TNIP3: variants seen among roughly 807,000 people sequenced by gnomAD.
The protein encoded by TNIP3 is TNFAIP3-interacting protein 3.
TNIP3 carries 34 observed loss-of-function variants against 54.1 expected under a neutral mutation model. That is an observed-to-expected ratio of 0.63 (90% confidence interval 0.48 to 0.84). The LOEUF is 0.84. Among genes scored for constraint, TNIP3 ranks in the 40% least tolerant of loss-of-function variants. The probability of loss-of-function intolerance (pLI) is 0.00; values close to 1 mark genes in which losing one functional copy is unlikely to be tolerated. For missense variants in TNIP3, 366 were observed against 387.6 expected (o/e 0.94, Z 0.47); for synonymous variants, 134 against 136.8 (o/e 0.98, Z 0.14).
chr4:121,140,902 A>G (rs1213668892), intron 9 of TNIP3, among the ~76,000 whole-genome samples: 2 of 152,188 alleles, frequency 1.3e-5, no homozygotes, highest in Non-Finnish European at 2.9e-5. Flanking sequence ...ACATTCCTTC[A>G]GCCACCCAAA....
At chr4:121,149,382 C>T (rs541889536) in intron 6 of TNIP3, among the ~76,000 whole-genome samples, 1 of 152,280 alleles carries the variant, frequency 6.6e-6, no homozygotes, top group East Asian at 1.9e-4. Context: ...TCTTATTGTG[C>T]GAAGGCCTAG....
At chr4:121,171,834 G>A (rs988183004) in intron 3 of TNIP3, among the ~76,000 whole-genome samples, 2 of 152,094 alleles carry the variant, frequency 1.3e-5, no homozygotes, top group East Asian at 3.9e-4. Context: ...GGGTTCAAGC[G>A]ATCCTCCTGC....
upstream of TNIP3, among the ~76,000 whole-genome samples, chr4:121,167,545 T>C (rs939370187): frequency 2.0e-5 from 3 of 152,004 alleles, no homozygotes; most frequent in African/African-American, 7.3e-5. Flanking sequence ...TTACCTAGAG[T>C]AGGGTCCGTG....
At chr4:121,163,439 C>T (rs1730577074) in intron 1 of TNIP3, among the ~76,000 whole-genome samples, 1 of 152,138 alleles carries the variant, frequency 6.6e-6, no homozygotes, top group Admixed American at 6.5e-5. Context: ...AACAGTTATT[C>T]CCTATACATA....
chr4:121,203,428 A>G (rs889233621), intron 2 of TNIP3, among the ~76,000 whole-genome samples: 1 of 152,156 alleles, frequency 6.6e-6, no homozygotes, highest in African/African-American at 2.4e-5. Context: ...TGAGAACTCA[A>G]ATGCATGAGA....
intron 1 of TNIP3, among the ~76,000 whole-genome samples, chr4:121,223,060 C>T (rs1727106677): frequency 6.6e-6 from 1 of 152,328 alleles, no homozygotes; most frequent in African/African-American, 2.4e-5. Flanking sequence ...CCGCCTCGGC[C>T]TCCCAAAGTG....
intron 1 of TNIP3, among the ~76,000 whole-genome samples, chr4:121,161,974 AAT>A (rs1730481709): frequency 6.6e-6 from 1 of 152,232 alleles, no homozygotes; most frequent in Admixed American, 6.5e-5. Context: ...ATAATAATTC[AAT>A]AGTCTTATTA....
chr4:121,144,548 C>T (rs571272428), intron 7 of TNIP3, among the ~76,000 whole-genome samples: 76 of 152,228 alleles, frequency 5.0e-4, no homozygotes, highest in African/African-American at 1.8e-3. Flanking sequence ...ATTACAGGCG[C>T]GTGCCACCAT....
At chr4:121,213,436 A>G (rs906242019) in intron 2 of TNIP3, among the ~76,000 whole-genome samples, 2 of 152,112 alleles carry the variant, frequency 1.3e-5, no homozygotes, top group Non-Finnish European at 2.9e-5. Flanking sequence ...TTAAAAAAAG[A>G]CATTCTTCAG....
chr4:121,165,102 TA>T (rs1730682998), upstream of TNIP3, among the ~76,000 whole-genome samples: 1 of 151,704 alleles, frequency 6.6e-6, no homozygotes, highest in Non-Finnish European at 1.5e-5. Flanking sequence ...AATGTGTAAC[TA>T]AAAAGAGAAA....
chr4:121,197,429 G>A (rs1725657872), intron 2 of TNIP3, among the ~76,000 whole-genome samples: 1 of 151,660 alleles, frequency 6.6e-6, no homozygotes, highest in African/African-American at 2.4e-5. Context: ...TTGGGAGGCT[G>A]AGGCAGGGGA....
intron 2 of TNIP3, among the ~76,000 whole-genome samples, chr4:121,187,044 A>G (rs977039523): frequency 1.5e-4 from 23 of 152,296 alleles, no homozygotes; most frequent in African/African-American, 5.5e-4. Context: ...ATCAAAGTTC[A>G]TTTTTTCCTA....
At chr4:121,214,388 A>C (rs1335594222) in intron 2 of TNIP3, among the ~76,000 whole-genome samples, 1 of 152,222 alleles carries the variant, frequency 6.6e-6, no homozygotes, top group Non-Finnish European at 1.5e-5. Flanking sequence ...TAACTACTAA[A>C]TTCTACATAA....
At chr4:121,215,276 A>G (rs1336407941) in intron 2 of TNIP3, among the ~76,000 whole-genome samples, 1 of 152,228 alleles carries the variant, frequency 6.6e-6, no homozygotes, top group African/African-American at 2.4e-5. Flanking sequence ...GACTCCAGAC[A>G]CACAGGATCT....
chr4:121,155,858 C>T (rs554600675), intron 4 of TNIP3, among the ~76,000 whole-genome samples: 13 of 151,986 alleles, frequency 8.6e-5, no homozygotes, highest in South Asian at 4.2e-4. Context: ...TTAAGAAATC[C>T]GCTTTAGGTA....
At chr4:121,155,022 G>C (rs1187698038) in intron 4 of TNIP3, among the ~76,000 whole-genome samples, 1 of 151,040 alleles carries the variant, frequency 6.6e-6, no homozygotes, top group Admixed American at 6.6e-5. Context: ...GAGTGCAATG[G>C]TGTGATCTCA....
intron 10 of TNIP3, among the ~76,000 whole-genome samples, chr4:121,134,198 T>C (rs1728642695): frequency 6.6e-6 from 1 of 152,202 alleles, no homozygotes; most frequent in South Asian, 2.1e-4. Context: ...ATTTTATGCC[T>C]TTCTAGATAC....
At chr4:121,143,889 G>C (rs1729273145) in intron 7 of TNIP3, among the ~76,000 whole-genome samples, 1 of 152,168 alleles carries the variant, frequency 6.6e-6, no homozygotes, top group Admixed American at 6.5e-5. Context: ...ATACTAGAGA[G>C]CATGACAGCA....
intron 2 of TNIP3, among the ~76,000 whole-genome samples, chr4:121,159,571 C>T (rs1730321414): frequency 1.3e-5 from 2 of 152,186 alleles, no homozygotes; most frequent in African/African-American, 4.8e-5. Flanking sequence ...ATTAACTGAT[C>T]ACGATTTTCT....
Sources: allele counts gnomAD v4.1 joint callset (sites outside exome capture counted in the v4.1 genomes callset), GRCh38; gene constraint gnomAD v4.1.1; transcripts MANE v1.5; gene names NCBI Gene and HGNC (gene_info 2026-07-23, HGNC 2026-07-21).